Variants in FAM3B observed in about 807,000 individuals in gnomAD.
FAM3B encodes FAM3 metabolism regulating signaling molecule B, also known as protein FAM3B.
In FAM3B, 29 loss-of-function variants were observed where a neutral mutation model predicts 28.4. The ratio of observed to expected loss-of-function variants is 1.02; its 90% CI spans 0.76 to 1.39. The LOEUF is 1.39. Ranked by LOEUF, FAM3B falls within the 40% of genes most tolerant of loss-of-function variation. The pLI, the probability that FAM3B is intolerant of heterozygous loss-of-function variation, is 0.00. For missense variants in FAM3B, 266 were observed against 293.9 expected, an observed-to-expected ratio of 0.91 and a Z score of 0.69; for synonymous variants, 91 against 103.0, an observed-to-expected ratio of 0.88 and a Z score of 0.71.
At chr21:41,324,482 G>A (rs368472948) in intron 2 of FAM3B, among the ~76,000 whole-genome samples, 1 of 152,144 alleles carries the variant, frequency 6.6e-6, no homozygotes, top group Non-Finnish European at 1.5e-5. Flanking sequence ...AGGTCCTTGT[G>A]CTTTATACAT....
intron 3 of FAM3B, among the ~76,000 whole-genome samples, chr21:41,340,715 T>C (rs2088998724): frequency 6.6e-6 from 1 of 152,206 alleles, no homozygotes; most frequent in Admixed American, 6.5e-5. Flanking sequence ...TGGGTTTCAT[T>C]TAATTTTTGA....
chr21:41,317,516 G>C (rs12627067), intron 1 of FAM3B, among the ~76,000 whole-genome samples: 35,734 of 152,106 alleles, frequency 0.23, 4,746 homozygotes, highest in East Asian at 0.57. Context: ...TCACTTTCCT[G>C]TCACAGACCA....
intron 2 of FAM3B, among the ~76,000 whole-genome samples, chr21:41,337,183 G>A (rs886117686): frequency 2.0e-5 from 3 of 152,164 alleles, no homozygotes; most frequent in Admixed American, 1.3e-4. Flanking sequence ...TAAGAGTACA[G>A]TAATTCATAA....
chr21:41,312,949 G>A (rs4816717), upstream of FAM3B, among the ~76,000 whole-genome samples: 54,845 of 152,082 alleles, frequency 0.36, 10,350 homozygotes, highest in East Asian at 0.67. Context: ...GAAGGGCAGG[G>A]CAGAGTGTAG....
upstream of FAM3B, among the ~76,000 whole-genome samples, chr21:41,316,136 C>T (rs1389743480): frequency 6.6e-6 from 1 of 152,182 alleles, no homozygotes; most frequent in Non-Finnish European, 1.5e-5. Context: ...AGGAGCTATT[C>T]CTGTTTGGGG....
At chr21:41,349,662 C>T (rs1347415769) in intron 7 of FAM3B, among the ~76,000 whole-genome samples, 1 of 152,170 alleles carries the variant, frequency 6.6e-6, no homozygotes, top group African/African-American at 2.4e-5. Flanking sequence ...TTCTTGTTGC[C>T]ATGACCACCT....
rs1397106229 is a variant in FAM3B, at chr21:41,338,234, A to C, written c.164-144A>C. 3.6e-6 allele frequency: 3 copies of C among 838,194 alleles called. No homozygotes were observed. In the Admixed American group the frequency reaches 7.1e-5, roughly 20 times the overall value. The allele number at this position is 838,194 out of a possible 1,614,324, so 51.9% of individuals were successfully genotyped here. ...GTGTCTTTAGGGGAATTCTCAGTGA[A>C]GTCTGGAAACCCTTCCCCCTCAGGT... is the stretch of plus-strand genomic sequence containing the variant. On this transcript the variant is annotated intron_variant, in intron 2 of 7. Coordinates refer to ENST00000357985, the MANE Select transcript of FAM3B (RefSeq NM_058186.4).
At chr21:41,312,542 C>T (rs1025126741), upstream of FAM3B, among the ~76,000 whole-genome samples, 1 of 152,140 alleles carries the variant, frequency 6.6e-6, no homozygotes, top group African/African-American at 2.4e-5. Context: ...TGAATGATCA[C>T]TGAATGCAAA....
chr21:41,322,854 A>T lies in FAM3B; in HGVS notation c.20-69A>T, dbSNP rs760493415. On this transcript the variant is annotated intron_variant, in intron 1 of 7. Transcript: ENST00000357985. ...GCCGGGATGAAAAGCCACAGGGGGG[A>T]TGGGGAGGGCCAAGGGCCAGGGCCG... 1.9e-6 allele frequency: 3 copies of T among 1,612,288 alleles called. No individual in the cohort carries two copies. The South Asian group carries it at 3.3e-5, about 18-fold the overall frequency.
At chr21:41,311,280 A>G (rs1327901380) in intron 1 of FAM3B, among the ~76,000 whole-genome samples, 1 of 95,110 alleles carries the variant, frequency 1.1e-5, no homozygotes, top group Admixed American at 1.1e-4. Flanking sequence ...ATATATATAT[A>G]TATATATATA....
chr21:41,314,905 A>G (rs1223500975), upstream of FAM3B, among the ~76,000 whole-genome samples: 1 of 152,178 alleles, frequency 6.6e-6, no homozygotes, highest in East Asian at 1.9e-4. Context: ...GAATAGAATT[A>G]TCGTATGATC....
chr21:41,345,787 A>C (rs371684653), intron 5 of FAM3B, 51 bp downstream of exon 5: 1 of 1,142,456 alleles, frequency 8.8e-7, no homozygotes. Context: ...ACAGAAAATT[A>C]AGATTAAAAA....
intron 2 of FAM3B, 115 bp downstream of exon 2, chr21:41,323,181 G>C: frequency 7.1e-7 from 1 of 1,407,148 alleles, no homozygotes; most frequent in South Asian, 1.3e-5. Flanking sequence ...ATATCAGGAA[G>C]GAGGAGGAGA....
intron 1 of FAM3B, among the ~76,000 whole-genome samples, chr21:41,321,346 C>G (rs778249287): frequency 1.3e-5 from 2 of 152,204 alleles, no homozygotes; most frequent in Non-Finnish European, 2.9e-5. Context: ...AGAGCACCCT[C>G]TAGGCAGAGA....
At chr21:41,311,251 A>AAAAAAAAAAAAAAAAAT (rs1555866518) in intron 1 of FAM3B, among the ~76,000 whole-genome samples, 1 of 35,078 alleles carries the variant, frequency 2.9e-5, no homozygotes, top group Non-Finnish European at 4.7e-5. Context: ...AAAAAAAAAA[A>AAAAAAAAAAAAAAAAAT]ATATATATAT....
intron 3 of FAM3B, among the ~76,000 whole-genome samples, chr21:41,342,345 T>G (rs1017885677): frequency 2.0e-4 from 31 of 152,256 alleles, no homozygotes; most frequent in African/African-American, 7.5e-4. Context: ...TTGGAGTTTT[T>G]TTGAGTTTCT....
intron 7 of FAM3B, among the ~76,000 whole-genome samples, chr21:41,356,040 TACACACACAC>T (rs59345837): frequency 1.6e-3 from 190 of 119,958 alleles, no homozygotes; most frequent in Middle Eastern, 4.1e-3. Context: ...AAAAAATACA[TACACACACAC>T]ACACACACAC....
chr21:41,339,570 C>G (rs1388018268), intron 3 of FAM3B, among the ~76,000 whole-genome samples: 4 of 152,164 alleles, frequency 2.6e-5, no homozygotes, highest in Non-Finnish European at 4.4e-5. Context: ...AGGAGTCTTA[C>G]CCCCTTAAGT....
intron 2 of FAM3B, among the ~76,000 whole-genome samples, chr21:41,333,492 G>A (rs1001086234): frequency 1.1e-4 from 16 of 152,276 alleles, no homozygotes; most frequent in African/African-American, 3.9e-4. Context: ...CTGGCCATGT[G>A]ATATGCCTGC....
Sources: allele counts gnomAD v4.1 joint callset (sites outside exome capture counted in the v4.1 genomes callset), GRCh38; gene constraint gnomAD v4.1.1; transcripts MANE v1.5; gene names NCBI Gene and HGNC (gene_info 2026-07-23, HGNC 2026-07-21).